SDK1: variants seen among roughly 807,000 people sequenced by gnomAD.
SDK1 encodes the protein sidekick cell adhesion molecule 1, also known as protein sidekick-1.
A neutral mutation model predicts 245.5 loss-of-function variants in SDK1; 157 were observed. The ratio of observed to expected loss-of-function variants is 0.64; its 90% CI spans 0.56 to 0.73. SDK1 has a LOEUF of 0.73. Ranked by LOEUF, SDK1 falls within the 30% of genes least tolerant of loss-of-function variation. SDK1 has a pLI of 0.00. For synonymous variants in SDK1, 1,647 were observed against 1,278.5 expected (o/e 1.29, Z -6.15); for missense variants, 3,583 against 3,002.3 (o/e 1.19, Z -4.52).
At chr7:3,562,704 A>G (rs926318901) in intron 1 of SDK1, among the ~76,000 whole-genome samples, 4 of 152,226 alleles carry the variant, frequency 2.6e-5, no homozygotes, top group Admixed American at 6.5e-5. Flanking sequence ...TGGTGGCACT[A>G]AGTGCAATCA....
chr7:3,774,116 G>T (rs185655538), intron 4 of SDK1, among the ~76,000 whole-genome samples: 4 of 151,548 alleles, frequency 2.6e-5, no homozygotes, highest in African/African-American at 9.7e-5. Flanking sequence ...TTGGGAGGCT[G>T]AGGCAGGAGA....
chr7:3,566,606 A>T (rs1348913498), intron 1 of SDK1, among the ~76,000 whole-genome samples: 3 of 152,086 alleles, frequency 2.0e-5, no homozygotes, highest in Admixed American at 2.0e-4. Context: ...TGTTCAATGA[A>T]GGTATCTGTA....
intron 14 of SDK1, among the ~76,000 whole-genome samples, chr7:4,003,989 T>G (rs1785271259): frequency 6.6e-6 from 1 of 152,258 alleles, no homozygotes; most frequent in African/African-American, 2.4e-5. Flanking sequence ...ATGTGGAGTT[T>G]GCACAAGGAG....
chr7:3,866,480 C>T (rs1012621140), intron 5 of SDK1, among the ~76,000 whole-genome samples: 13 of 152,196 alleles, frequency 8.5e-5, no homozygotes, highest in African/African-American at 3.1e-4. Context: ...CTTAGGAAGG[C>T]GGGACTTTTT....
chr7:3,542,591 A>C (rs1233015851), intron 1 of SDK1, among the ~76,000 whole-genome samples: 1 of 152,232 alleles, frequency 6.6e-6, no homozygotes, highest in Admixed American at 6.5e-5. Context: ...TTAAAATAGC[A>C]TTGATCTTTT....
intron 9 of SDK1, among the ~76,000 whole-genome samples, chr7:3,964,475 A>G (rs931967023): frequency 6.6e-6 from 1 of 151,852 alleles, no homozygotes; most frequent in South Asian, 2.1e-4. Context: ...TATTTTTTAC[A>G]TTCATTCTCT....
At chr7:3,606,666 C>G (rs1273833931) in intron 1 of SDK1, among the ~76,000 whole-genome samples, 1 of 152,144 alleles carries the variant, frequency 6.6e-6, no homozygotes, top group African/African-American at 2.4e-5. Context: ...TCAGCTGCTT[C>G]CCTTTCTTAC....
chr7:3,941,298 C>T (rs539060845), intron 5 of SDK1, among the ~76,000 whole-genome samples: 1 of 152,100 alleles, frequency 6.6e-6, no homozygotes, highest in Non-Finnish European at 1.5e-5. Flanking sequence ...GGTTGTGGCT[C>T]CCTGACCGTG....
intron 1 of SDK1, among the ~76,000 whole-genome samples, chr7:3,423,673 C>G (rs969295066): frequency 2.7e-5 from 4 of 150,360 alleles, no homozygotes; most frequent in Non-Finnish European, 4.4e-5. Flanking sequence ...AGTCTCTAAA[C>G]TGATTTTAGT....
At chr7:4,252,405 G>C (rs1583180026) in intron 44 of SDK1, among the ~76,000 whole-genome samples, 1 of 152,156 alleles carries the variant, frequency 6.6e-6, no homozygotes, top group East Asian at 1.9e-4. Flanking sequence ...TTTTATGGCT[G>C]CATAGTATTC....
chr7:3,510,128 C>T lies in SDK1; in HGVS notation c.299-108952C>T, dbSNP rs144386036. On this transcript the variant is annotated intron_variant, in intron 1 of 44. Coordinates refer to ENST00000404826, the MANE Select transcript of SDK1 (RefSeq NM_152744.4). ...AGCGTCGACCTTATCAAAAGTAGGTCTGACAGTGTGTTCCCAGTGCCTGGA... is the reference window on the plus strand; with the variant it reads ...AGCGTCGACCTTATCAAAAGTAGGTTTGACAGTGTGTTCCCAGTGCCTGGA... Among the ~76,000 whole-genome samples, 20 of 152,288 alleles carry T rather than the reference C, an allele frequency of 1.3e-4. 1 individual carries two copies. The highest frequency in any genetic ancestry group is 3.1e-4 in the African/African-American group (13 of 41,568).
At chr7:3,556,549 G>C (rs1779592985) in intron 1 of SDK1, among the ~76,000 whole-genome samples, 1 of 152,132 alleles carries the variant, frequency 6.6e-6, no homozygotes, top group East Asian at 1.9e-4. Flanking sequence ...GCCAGGTGTG[G>C]TGGCTCACAC....
At chr7:3,977,547 C>G (rs534962618) in intron 13 of SDK1, among the ~76,000 whole-genome samples, 35 of 152,396 alleles carry the variant, frequency 2.3e-4, no homozygotes, top group African/African-American at 8.2e-4. Context: ...CAGCCATCCA[C>G]TGTCTCTGCG....
rs10227441 is a variant in SDK1, at chr7:4,027,676, T to C, written c.2602+10324T>C. ...TTATGTAGATGGAAGAGAAGATGAA[T>C]AGTAATAATCTTTTCTCAGGGGTGT... On this transcript the variant is annotated intron_variant, in intron 17 of 44. Transcript: ENST00000404826. Among the ~76,000 whole-genome samples the C allele has an allele frequency of 3.7e-3, 565 of 152,364 alleles. 8 individuals are homozygous for C. Among genetic ancestry groups the C allele is most frequent in the African/African-American group, 0.013 (542 of 41,580 alleles).
intron 1 of SDK1, among the ~76,000 whole-genome samples, chr7:3,415,653 C>T (rs1266269332): frequency 6.6e-6 from 1 of 151,112 alleles, no homozygotes; most frequent in Non-Finnish European, 1.5e-5. Flanking sequence ...TGCTTTGTAT[C>T]CCTACTTCTG....
intron 24 of SDK1, 35 bp downstream of exon 24, chr7:4,113,474 C>T (rs201835291): frequency 1.5e-4 from 243 of 1,609,654 alleles, no homozygotes; most frequent in East Asian, 1.2e-3. Flanking sequence ...TGGAGGCACA[C>T]GGGTCCTGAG....
rs528078980 is a variant in SDK1 at position 3,872,587 on chromosome 7, T to C, written c.847+51004T>C. 7.8e-3 allele frequency among the ~76,000 whole-genome samples: 1,175 copies of C among 151,418 alleles called. 14 individuals carry two copies. The highest frequency in any genetic ancestry group is 0.027 in the African/African-American group (1,103 of 41,396). The stretch of plus-strand genomic sequence containing the variant: ...TAGGATTGTTTTTGGTATCTTTTTT[T>C]TTTTTTTTACATATGTGATATCAGC... On this transcript the variant is annotated intron_variant, in intron 5 of 44. Coordinates refer to ENST00000404826, the MANE Select transcript of SDK1 (RefSeq NM_152744.4).
intron 4 of SDK1, among the ~76,000 whole-genome samples, chr7:3,799,597 C>T (rs879271368): frequency 7.2e-4 from 106 of 148,168 alleles, no homozygotes; most frequent in Admixed American, 6.7e-3. Flanking sequence ...CCCAGCTACT[C>T]GGGAGGCTGA....
intron 1 of SDK1, among the ~76,000 whole-genome samples, chr7:3,545,399 A>G (rs773761414): frequency 2.6e-5 from 4 of 152,200 alleles, no homozygotes; most frequent in Non-Finnish European, 5.9e-5. Context: ...TCATGTTGAA[A>G]GACTAATGTG....
Sources: gnomAD v4.1 joint callset for allele counts (sites outside exome capture counted in the v4.1 genomes callset) on GRCh38, gnomAD v4.1.1 for gene constraint, MANE v1.5 for transcripts, NCBI Gene and HGNC (gene_info 2026-07-23, HGNC 2026-07-21) for gene names.